STRA6: variants seen among roughly 807,000 people sequenced by gnomAD.
STRA6 encodes the protein signaling receptor and transporter of retinol STRA6.
Under a neutral mutation model 83.6 loss-of-function variants are expected in STRA6, and 48 were observed. The observed-to-expected ratio is 0.57, with a 90% CI of 0.46 to 0.73. The LOEUF (loss-of-function observed/expected upper bound fraction) is 0.73. Among genes scored for constraint, STRA6 ranks in the 30% least tolerant of loss-of-function variants. STRA6 has a pLI of 0.00. For synonymous variants in STRA6, 353 were observed against 362.3 expected (o/e 0.97, Z 0.29); for missense variants, 760 against 838.8 (o/e 0.91, Z 1.16).
chr15:74,184,821 C>T (rs2073161517), intron 13 of STRA6, among the ~76,000 whole-genome samples, 159 bp downstream of exon 13: 1 of 152,236 alleles, frequency 6.6e-6, no homozygotes, highest in Non-Finnish European at 1.5e-5. Context: ...CCAGCCCCAC[C>T]TTCTCCCACT....
chr15:74,208,750 C>G (rs1481132860), intron 1 of STRA6: 2 of 988,556 alleles, frequency 2.0e-6, no homozygotes, highest in Non-Finnish European at 1.2e-6. Flanking sequence ...CTCGCTGTTC[C>G]CCGACCTGTT....
In STRA6 at chr15:74,195,454, G is replaced by C; in HGVS notation, c.445C>G (p.Leu149Val). The change falls in exon 7 of 19, where the codon CTG becomes GTG. Residue 149 changes from leucine to valine, a missense_variant. Physicochemically the swap from Leu to Val is conservative, Grantham distance 32 (BLOSUM62 1). Coordinates refer to ENST00000395105, the MANE Select transcript of STRA6 (RefSeq NM_022369.4). Reference protein sequence around the residue: ...TEAPRGAWKILGLFYYAALYY... With the variant: ...TEAPRGAWKIVGLFYYAALYY... ...AGGGCAGCATAATAGAACAGTCCCA[G>C]TATCTTCCAGGCCCCTGGAAGGTGA... 6.2e-7 allele frequency: 1 copy of C among 1,613,388 alleles called. No individual in the cohort carries two copies. The highest frequency in any genetic ancestry group is 8.5e-7 in the Non-Finnish European group (1 of 1,179,904).
Position 74,180,096 on chromosome 15 carries a change from T to C in STRA6, c.1988A>G (p.Asn663Ser), listed in dbSNP as rs138469927. 1.5e-5 allele frequency: 24 copies of C among 1,613,122 alleles called. 1 individual carries two copies. The highest frequency in any genetic ancestry group is 9.3e-5 in the African/African-American group (7 of 74,902). ...VFRKTALLGA[N>S]GAQP ...TCCCTGCCCTCAGGGCTGGGCACCATTGGCACCCAACAGGGCCGTCTTGCG... is the reference window on the plus strand; with the variant it reads ...TCCCTGCCCTCAGGGCTGGGCACCACTGGCACCCAACAGGGCCGTCTTGCG... Residue 663 changes from asparagine (N) to serine (S), a missense_variant, in exon 19 of 19, where the codon AAT becomes AGT. Physicochemically the swap from Asn to Ser is conservative, Grantham distance 46. Coordinates refer to ENST00000395105, the MANE Select transcript of STRA6 (RefSeq NM_022369.4).
chr15:74,194,611 T>G, intron 7 of STRA6: 1 of 573,222 alleles, frequency 1.7e-6, no homozygotes, highest in Admixed American at 4.0e-5. Flanking sequence ...TGTTTGCGTG[T>G]CATGTCTGCC....
rs1331704479 is a variant in STRA6, at chr15:74,188,869, T to TG, written c.1090+245dup. ...AGTTGGTCAGAGACACTGGGGGTGGTGGGGGAAGATGCCACAGAAGCAGGC... is the reference window on the plus strand; with the variant it reads ...AGTTGGTCAGAGACACTGGGGGTGGTGGGGGGAAGATGCCACAGAAGCAGGC... On this transcript the variant is annotated intron_variant, in intron 12 of 18. Transcript: ENST00000395105. The surrounding 1 kb of genome is among the most constrained non-coding windows in gnomAD (Gnocchi z 4.5). Among the ~76,000 whole-genome samples, 1 of 151,330 alleles carries TG rather than the reference T, an allele frequency of 6.6e-6. No homozygotes were observed. Among genetic ancestry groups the TG allele is most frequent in the African/African-American group, 2.4e-5 (1 of 41,080 alleles).
upstream of STRA6, among the ~76,000 whole-genome samples, chr15:74,205,520 A>G (rs1238236820): frequency 6.6e-6 from 1 of 152,220 alleles, no homozygotes; most frequent in East Asian, 1.9e-4. Context: ...GAGGGCACCA[A>G]GCCATTCAGG....
upstream of STRA6, among the ~76,000 whole-genome samples, chr15:74,206,216 C>G (rs2074258429): frequency 6.6e-6 from 1 of 152,210 alleles, no homozygotes; most frequent in South Asian, 2.1e-4. Flanking sequence ...CACCTGCCCC[C>G]TCCTGGCCCC....
At chr15:74,208,353 C>T (rs543535203) in intron 1 of STRA6, among the ~76,000 whole-genome samples, 26 of 152,282 alleles carry the variant, frequency 1.7e-4, no homozygotes, top group Admixed American at 7.2e-4. Flanking sequence ...AAGAGCCCCA[C>T]GTTCTCCGTT....
At chr15:74,208,354 G>A (rs1291306646) in intron 1 of STRA6, among the ~76,000 whole-genome samples, 2 of 152,100 alleles carry the variant, frequency 1.3e-5, no homozygotes, top group African/African-American at 2.4e-5. Context: ...AGAGCCCCAC[G>A]TTCTCCGTTC....
In STRA6 at chr15:74,208,036, A is replaced by C. The variant is rs375384427; in HGVS notation, c.-16+764T>G. 23 of 1,349,778 alleles carry C rather than the reference A, an allele frequency of 1.7e-5. No homozygotes were observed. The East Asian group carries it at 6.7e-4, about 40-fold the overall frequency. The allele number at this position is 1,349,778 out of a possible 1,614,324, so 83.6% of individuals were successfully genotyped here. A position where few individuals can be genotyped will look rare whatever the true frequency, so the allele number is the denominator to read the frequency against. On this transcript the variant is annotated intron_variant, in intron 1 of 18. Coordinates refer to the STRA6 transcript ENST00000323940. ...CTGCAATTCTCATGCCCCCCTCACC[A>C]ACAGCATCATCATAACATAAAGGAT...
intron 9 of STRA6, 60 bp downstream of exon 9, chr15:74,191,363 CA>C: frequency 6.2e-7 from 1 of 1,608,594 alleles, no homozygotes; most frequent in Non-Finnish European, 8.5e-7. Flanking sequence ...GCCAGCTTCC[CA>C]AGCACGGCTG....
intron 12 of STRA6, among the ~76,000 whole-genome samples, chr15:74,187,458 A>G (rs1393354893): frequency 2.6e-5 from 4 of 151,912 alleles, no homozygotes; most frequent in African/African-American, 9.7e-5. Flanking sequence ...CAGGAGAGGT[A>G]ATGCACTTTG....
intron 11 of STRA6, among the ~76,000 whole-genome samples, chr15:74,189,732 C>T (rs1275892451): frequency 1.3e-5 from 2 of 149,530 alleles, no homozygotes; most frequent in Admixed American, 6.7e-5. Context: ...GGCGCGATCT[C>T]GGCTCACTGC....
chr15:74,202,085 C>A, intron 2 of STRA6, 70 bp downstream of exon 2: 2 of 1,381,456 alleles, frequency 1.4e-6, no homozygotes, highest in Non-Finnish European at 1.9e-6. Context: ...TGCTCCCTGG[C>A]CAGTTGCAAC....
chr15:74,206,702 A>G (rs1321572015), upstream of STRA6, among the ~76,000 whole-genome samples: 1 of 152,206 alleles, frequency 6.6e-6, no homozygotes, highest in Non-Finnish European at 1.5e-5. Context: ...GGGGGCCTGG[A>G]GCAGGGCCCT....
At chr15:74,202,657 G>A (rs916220392) in intron 1 of STRA6, 56 bp downstream of exon 1, 2 of 1,399,106 alleles carry the variant, frequency 1.4e-6, no homozygotes, top group African/African-American at 2.9e-5. Context: ...GCTGCCTAAA[G>A]AGACGCCCCT....
exon 1 of STRA6, chr15:74,208,825 C>A: frequency 1.0e-6 from 1 of 989,436 alleles, no homozygotes. Flanking sequence ...CTCCTGACCT[C>A]TCCCTTCCTT....
At chr15:74,211,875 T>C (rs920197427), upstream of STRA6, among the ~76,000 whole-genome samples, 8 of 152,026 alleles carry the variant, frequency 5.3e-5, no homozygotes, top group African/African-American at 1.4e-4. Flanking sequence ...TCCTCCTCCT[T>C]CTTTCTCTGT....
At chr15:74,182,625 T>C (rs2073052271) in intron 14 of STRA6, 165 bp from the exon 15 acceptor site, 3 of 621,594 alleles carry the variant, frequency 4.8e-6, no homozygotes, top group Admixed American at 2.7e-5. Flanking sequence ...CTTTACTTCA[T>C]TGAGCCTCAG....
Sources: gnomAD v4.1 joint callset for allele counts (sites outside exome capture counted in the v4.1 genomes callset) on GRCh38, gnomAD v4.1.1 for gene constraint, Gnocchi (gnomAD v3.1) non-coding constraint, MANE v1.5 for transcripts, NCBI Gene and HGNC (gene_info 2026-07-23, HGNC 2026-07-21) for gene names.